The following PRDM5 variants were observed in gnomAD, a reference collection of about 807,000 sequenced individuals.
PRDM5 encodes the protein PR/SET domain 5.
PRDM5 carries 56 observed loss-of-function variants against 81.2 expected under a neutral mutation model. That is an observed-to-expected ratio of 0.69 (90% CI 0.56 to 0.86). The LOEUF is 0.86. Among genes scored for constraint, PRDM5 ranks in the 40% least tolerant of loss-of-function variants. The pLI, the probability that PRDM5 is intolerant of heterozygous loss-of-function variation, is 0.00. For synonymous variants in PRDM5, 267 were observed against 256.4 expected (o/e 1.04, Z -0.39); for missense variants, 697 against 770.1 (o/e 0.91, Z 1.12).
At chr4:120,920,263 GTGT>G (rs1724723001) in intron 1 of PRDM5, among the ~76,000 whole-genome samples, 1 of 152,200 alleles carries the variant, frequency 6.6e-6, no homozygotes, top group African/African-American at 2.4e-5. Flanking sequence ...TAAAACAGGA[GTGT>G]TATACAAGCA....
intron 14 of PRDM5, among the ~76,000 whole-genome samples, chr4:120,740,112 TC>T (rs1681977479): frequency 6.6e-6 from 1 of 152,170 alleles, no homozygotes; most frequent in Admixed American, 6.5e-5. Context: ...TATTTTGAAG[TC>T]ATTTATCTTA....
downstream of PRDM5, among the ~76,000 whole-genome samples, chr4:120,691,224 T>C (rs1390561): frequency 0.58 from 87,419 of 151,852 alleles, 26,026 homozygotes; most frequent in South Asian, 0.72. Context: ...CTAGAATATC[T>C]AGAATATTTT....
intron 2 of PRDM5, among the ~76,000 whole-genome samples, chr4:120,855,138 A>G (rs958980416): frequency 6.6e-6 from 1 of 152,172 alleles, no homozygotes; most frequent in Admixed American, 6.5e-5. Flanking sequence ...GCAAAAACTG[A>G]TATTTAAAGA....
intron 1 of PRDM5, among the ~76,000 whole-genome samples, chr4:120,686,647 T>C (rs1476291750): frequency 6.6e-6 from 1 of 152,054 alleles, no homozygotes; most frequent in African/African-American, 2.4e-5. Context: ...AATTTGGTGT[T>C]TAAATAAGCT....
chr4:120,857,195 T>TA (rs1378624955), intron 2 of PRDM5, among the ~76,000 whole-genome samples: 1 of 151,968 alleles, frequency 6.6e-6, no homozygotes, highest in Non-Finnish European at 1.5e-5. Flanking sequence ...CCATCTCTAT[T>TA]AAAAAATACG....
chr4:120,732,593 A>G (rs868385181), intron 14 of PRDM5, among the ~76,000 whole-genome samples: 64 of 61,182 alleles, frequency 1.0e-3, no homozygotes, highest in African/African-American at 3.8e-3. Context: ...ACAACAGGTT[A>G]CTTCACAATA....
downstream of PRDM5, among the ~76,000 whole-genome samples, chr4:120,689,771 C>G (rs568110942): frequency 3.1e-4 from 47 of 152,034 alleles, no homozygotes; most frequent in Non-Finnish European, 5.2e-4. Flanking sequence ...CGTGCCACCA[C>G]ACCCAGCTAA....
At chr4:120,833,150 G>A (rs1256898083) in intron 3 of PRDM5, among the ~76,000 whole-genome samples, 1 of 152,072 alleles carries the variant, frequency 6.6e-6, no homozygotes, top group Admixed American at 6.6e-5. Flanking sequence ...GTTACACTTG[G>A]TCAACCCTGA....
chr4:120,723,501 T>C (rs1738922798), intron 14 of PRDM5, among the ~76,000 whole-genome samples: 1 of 152,138 alleles, frequency 6.6e-6, no homozygotes, highest in South Asian at 2.1e-4. Flanking sequence ...AGAATAATCA[T>C]ATGAAAAGGA....
intron 3 of PRDM5, among the ~76,000 whole-genome samples, chr4:120,849,065 C>T (rs1485995914): frequency 6.6e-6 from 1 of 152,020 alleles, no homozygotes. Context: ...CTGGAAAAGC[C>T]ATCATTTTGC....
chr4:120,820,791 A>C (rs1755155769), intron 4 of PRDM5, among the ~76,000 whole-genome samples: 1 of 152,246 alleles, frequency 6.6e-6, no homozygotes, highest in Non-Finnish European at 1.5e-5. Context: ...ATGAGAAAGT[A>C]AAGTCTCAGA....
chr4:120,884,190 C>T (rs1222344518), intron 2 of PRDM5, among the ~76,000 whole-genome samples: 1 of 151,990 alleles, frequency 6.6e-6, no homozygotes, highest in East Asian at 1.9e-4. Flanking sequence ...CATAGAAATG[C>T]ACACAAAAAT....
At chr4:120,845,752 G>T (rs949958782) in intron 3 of PRDM5, among the ~76,000 whole-genome samples, 1 of 152,138 alleles carries the variant, frequency 6.6e-6, no homozygotes, top group African/African-American at 2.4e-5. Flanking sequence ...TAAGGCTATT[G>T]CTGTCACAGT....
intron 13 of PRDM5, among the ~76,000 whole-genome samples, chr4:120,767,304 C>A (rs2149197895): frequency 6.6e-6 from 1 of 152,264 alleles, no homozygotes; most frequent in South Asian, 2.1e-4. Flanking sequence ...AAGGAGACTG[C>A]CTTTAATGTT....
chr4:120,846,776 T>G (rs2149404275), intron 3 of PRDM5, among the ~76,000 whole-genome samples: 1 of 152,210 alleles, frequency 6.6e-6, no homozygotes, highest in Middle Eastern at 3.4e-3. Flanking sequence ...GAAGAGCAGT[T>G]TTAAAGGTTA....
intron 2 of PRDM5, among the ~76,000 whole-genome samples, chr4:120,860,986 T>C (rs1376228001): frequency 1.3e-5 from 2 of 152,200 alleles, no homozygotes; most frequent in African/African-American, 4.8e-5. Flanking sequence ...CAAAGACTTC[T>C]AGCCTTATAG....
chr4:120,710,768 T>G (rs1462232440), intron 14 of PRDM5, among the ~76,000 whole-genome samples: 1 of 152,030 alleles, frequency 6.6e-6, no homozygotes, highest in Non-Finnish European at 1.5e-5. Flanking sequence ...ATGAGTGAGC[T>G]TCCCCCTTCC....
At chr4:120,709,378 T>C (rs1736631542) in intron 15 of PRDM5, among the ~76,000 whole-genome samples, 1 of 152,204 alleles carries the variant, frequency 6.6e-6, no homozygotes, top group Admixed American at 6.5e-5. Flanking sequence ...TTTCTTTCCT[T>C]AAAAGAAGTG....
intron 2 of PRDM5, among the ~76,000 whole-genome samples, chr4:120,856,267 A>AAATTTATG (rs1317226339): frequency 6.6e-6 from 1 of 152,352 alleles, no homozygotes; most frequent in African/African-American, 2.4e-5. Context: ...TAATACACAC[A>AAATTTATG]AATTTATGTG....
Sources: allele counts gnomAD v4.1 joint callset (sites outside exome capture counted in the v4.1 genomes callset), GRCh38; gene constraint gnomAD v4.1.1; transcripts MANE v1.5; gene names NCBI Gene and HGNC (gene_info 2026-07-23, HGNC 2026-07-21).